The following PRPF6 variants were observed in gnomAD, a reference collection of about 807,000 sequenced individuals.
The protein encoded by PRPF6 is pre-mRNA processing factor 6.
In PRPF6, 42 loss-of-function variants were observed where a neutral mutation model predicts 118.3. That is an observed-to-expected ratio of 0.35 (90% CI 0.28 to 0.46). The LOEUF is 0.46. PRPF6 is among the 20% of genes least tolerant of loss of function. PRPF6 has a pLI of 1.00. For synonymous variants in PRPF6, 481 were observed against 485.1 expected, an observed-to-expected ratio of 0.99 and a Z score of 0.11; for missense variants, 662 against 1,255.7, an observed-to-expected ratio of 0.53 and a Z score of 7.15.
chr20:64,020,548 C>T lies in PRPF6; in HGVS notation c.1648-2209C>T, dbSNP rs954410608. Among the ~76,000 whole-genome samples the T allele has an allele frequency of 2.6e-5, 4 of 152,152 alleles. No individual in the cohort carries two copies. The East Asian group carries it at 5.8e-4, about 22-fold the overall frequency. On this transcript the variant is annotated intron_variant, in intron 12 of 20. Coordinates refer to ENST00000266079, the MANE Select transcript of PRPF6 (RefSeq NM_012469.4). ...TGTCATGATCGCCAGTCAGACGAAC[C>T]CCCAGAGGCTTTAGCGCTGCAAATG...
Position 64,022,859 on chromosome 20 carries a change from G to T in PRPF6, c.1750G>T (p.Glu584Ter). The change falls in exon 13 of 21, where the codon GAG (glutamate) becomes TAG (stop). Residue 584 changes from glutamate to a stop codon, truncating the protein, a stop_gained. Transcript: ENST00000266079. LOFTEE classifies it high-confidence loss of function. ...TGTGTGGCTGCGCGCCGCGTACTTC[G>T]AGAAGAACCATGGCACTCGGTATGT... Reference protein sequence around the residue: ...KSVWLRAAYFEKNHGTRESLE... With the variant: ...KSVWLRAAYF 3.1e-6 allele frequency: 5 copies of T among 1,614,056 alleles called. No individual in the cohort carries two copies. Among genetic ancestry groups the T allele is most frequent in the Non-Finnish European group, 4.2e-6 (5 of 1,179,990 alleles).
At chr20:63,999,265 A>G (rs1260376974) in intron 7 of PRPF6, 126 bp downstream of exon 7, 3 of 840,362 alleles carry the variant, frequency 3.6e-6, no homozygotes, top group Non-Finnish European at 4.0e-6. Context: ...AAAGTGGAGT[A>G]GTTTGTTTTT....
chr20:64,024,818 C>G, intron 14 of PRPF6, 125 bp downstream of exon 14: 1 of 1,390,620 alleles, frequency 7.2e-7, no homozygotes, highest in Non-Finnish European at 9.8e-7. Flanking sequence ...GCACTGGAGT[C>G]CAGGGGCTGC....
At chr20:64,031,890 C>G (rs771366527) in intron 19 of PRPF6, 28 bp from the exon 20 acceptor site, 2 of 1,613,816 alleles carry the variant, frequency 1.2e-6, no homozygotes, top group Admixed American at 1.7e-5. Context: ...GCCACTCACT[C>G]TGGGTTCACG....
intron 11 of PRPF6, among the ~76,000 whole-genome samples, chr20:64,015,742 C>T (rs1019489523): frequency 1.3e-5 from 2 of 152,208 alleles, no homozygotes; most frequent in Non-Finnish European, 2.9e-5. Flanking sequence ...TTTATGCCCC[C>T]TTCACCAAGT....
Position 64,001,115 on chromosome 20 carries a change from T to C in PRPF6, c.1062T>C (p.Pro354=). The change falls in exon 9 of 21, where the codon CCT becomes CCC. Residue 354 remains proline, a synonymous_variant. Transcript: ENST00000266079. The part of the protein sequence containing the change: ...DVWLEAARLQ[P]GDTAKAVVAQ... Reference sequence around the variant, plus strand: ...GGCTGGAAGCAGCCAGGTTGCAGCCTGGGGACACAGCCAAGGCCGTGGTAG... The same window carrying C: ...GGCTGGAAGCAGCCAGGTTGCAGCCCGGGGACACAGCCAAGGCCGTGGTAG... The C allele has an allele frequency of 6.2e-7, 1 of 1,614,160 alleles. No individual in the cohort carries two copies. The highest frequency in any genetic ancestry group is 8.5e-7 in the Non-Finnish European group (1 of 1,180,032).
chr20:64,031,684 A>ACC (rs1569227237), intron 19 of PRPF6, among the ~76,000 whole-genome samples: 6 of 148,682 alleles, frequency 4.0e-5, no homozygotes, highest in African/African-American at 1.3e-4. Context: ...AAAAAAAAAA[A>ACC]AAAAAAACAA....
chr20:64,030,966 G>A (rs1485512739), intron 19 of PRPF6, among the ~76,000 whole-genome samples: 2 of 152,170 alleles, frequency 1.3e-5, no homozygotes, highest in Non-Finnish European at 2.9e-5. Context: ...GCAGAGTCCC[G>A]GGCCTGCCAG....
chr20:64,020,791 T>TTG (rs2059259128), intron 12 of PRPF6, among the ~76,000 whole-genome samples: 1 of 150,720 alleles, frequency 6.6e-6, no homozygotes, highest in Non-Finnish European at 1.5e-5. Flanking sequence ...CCTAATTTTT[T>TTG]TTTTTTTTTT....
At chr20:63,995,512 G>A in intron 6 of PRPF6, 30 bp downstream of exon 6, 1 of 1,613,392 alleles carries the variant, frequency 6.2e-7, no homozygotes. Flanking sequence ...TTTTCCTGTG[G>A]ACAGGTTTAG....
chr20:64,016,915 A>G, intron 12 of PRPF6, 70 bp downstream of exon 12: 6 of 1,600,394 alleles, frequency 3.7e-6, no homozygotes, highest in Non-Finnish European at 5.1e-6. Context: ...GGCACCTTAT[A>G]AACTACTAGG....
chr20:63,985,229 C>G (rs2059088151), intron 3 of PRPF6, among the ~76,000 whole-genome samples: 1 of 151,882 alleles, frequency 6.6e-6, no homozygotes, highest in Non-Finnish European at 1.5e-5. Context: ...CCAGATGGTA[C>G]ACACCTGTAG....
chr20:63,982,813 C>T (rs893345412), intron 1 of PRPF6, among the ~76,000 whole-genome samples: 3 of 152,156 alleles, frequency 2.0e-5, no homozygotes, highest in African/African-American at 7.2e-5. Context: ...GGGAGATGAT[C>T]GAAGCCTTAG....
intron 3 of PRPF6, among the ~76,000 whole-genome samples, chr20:63,990,568 C>G (rs1601510963): frequency 6.6e-6 from 1 of 151,846 alleles, no homozygotes; most frequent in East Asian, 1.9e-4. Context: ...ATTCCTGGCT[C>G]AAGCGATTCT....
chr20:64,004,749 G>T (rs74882209), intron 9 of PRPF6, among the ~76,000 whole-genome samples: 2,246 of 152,316 alleles, frequency 0.015, 55 homozygotes, highest in African/African-American at 0.052. Flanking sequence ...CCTGGCCAGG[G>T]TGGGGTGTCC....
rs1031436019 is a variant in PRPF6 at position 64,029,979 on chromosome 20, T to G, written c.2546+488T>G. Among the ~76,000 whole-genome samples the G allele has an allele frequency of 6.6e-6, 1 of 151,420 alleles. No individual in the cohort carries two copies. The highest frequency in any genetic ancestry group is 2.4e-5 in the African/African-American group (1 of 41,054). ...AGAGACTCACTGGGGACGCGTGTGA[T>G]TCACACTGGTGCGCTGGCCGCTGGG... On this transcript the variant is annotated intron_variant, in intron 19 of 20. Transcript: ENST00000266079. The surrounding 1 kb of genome is among the most constrained non-coding windows in gnomAD (Gnocchi z 4.8).
At chr20:64,018,065 G>A (rs1195541013) in intron 12 of PRPF6, among the ~76,000 whole-genome samples, 1 of 152,196 alleles carries the variant, frequency 6.6e-6, no homozygotes, top group South Asian at 2.1e-4. Context: ...GCATGGTGGT[G>A]CACGCTTGTA....
intron 8 of PRPF6, among the ~76,000 whole-genome samples, chr20:64,000,229 C>T (rs922993163): frequency 6.6e-6 from 1 of 152,172 alleles, no homozygotes. Context: ...TGGCTCACGC[C>T]TGTAATCCCA....
chr20:64,030,483 C>T (rs373146503), intron 19 of PRPF6, among the ~76,000 whole-genome samples: 1 of 152,150 alleles, frequency 6.6e-6, no homozygotes, highest in Non-Finnish European at 1.5e-5. Context: ...GTCTGGGTGC[C>T]GCCCCCACAG....
Sources: gnomAD v4.1 joint callset for allele counts (sites outside exome capture counted in the v4.1 genomes callset) on GRCh38, gnomAD v4.1.1 for gene constraint, Gnocchi (gnomAD v3.1) non-coding constraint, MANE v1.5 for transcripts, NCBI Gene and HGNC (gene_info 2026-07-23, HGNC 2026-07-21) for gene names.